The following CACNA1C variants were observed in gnomAD, a reference collection of about 807,000 sequenced individuals.
CACNA1C encodes voltage-dependent L-type calcium channel subunit alpha-1C.
A neutral mutation model predicts 229.0 loss-of-function variants in CACNA1C; 30 were observed. The observed-to-expected ratio is 0.13, with a 90% CI of 0.10 to 0.18. The LOEUF is 0.18. CACNA1C is among the 10% of genes least tolerant of loss of function. The pLI is 1.00. For synonymous variants in CACNA1C, 1,114 were observed against 1,132.5 expected (o/e 0.98, Z 0.33); for missense variants, 1,658 against 2,845.0 (o/e 0.58, Z 9.49).
chr12:1,981,921 T>A (rs112898313), intron 1 of CACNA1C, among the ~76,000 whole-genome samples: 2 of 152,088 alleles, frequency 1.3e-5, no homozygotes, highest in South Asian at 4.1e-4. Flanking sequence ...GGAAAGTGTA[T>A]ATGTAGTTGT....
In CACNA1C at chr12:2,097,431, C is replaced by T. The variant is rs201855383; in HGVS notation, c.50-17793C>T. Among the ~76,000 whole-genome samples, 3 of 152,290 alleles carry T rather than the reference C, an allele frequency of 2.0e-5. No homozygotes were observed. In the East Asian group the frequency reaches 5.8e-4, roughly 29 times the overall value. On this transcript the variant is annotated intron_variant, in intron 1 of 46. Coordinates refer to ENST00000399655, the MANE Select transcript of CACNA1C (RefSeq NM_000719.7). ...AAAGTGCTGGGATTACAGATGTGAG[C>T]CACCGCGCCTGGCCACATTTAATTT...
chr12:2,481,112 A>G (rs2099674175), intron 5 of CACNA1C, among the ~76,000 whole-genome samples: 2 of 152,226 alleles, frequency 1.3e-5, no homozygotes, highest in Admixed American at 1.3e-4. Flanking sequence ...AGGCATTTTC[A>G]TACTCTTTTG....
chr12:2,435,614 C>T (rs1005571055), intron 3 of CACNA1C, among the ~76,000 whole-genome samples: 2 of 152,184 alleles, frequency 1.3e-5, no homozygotes, highest in African/African-American at 4.8e-5. Context: ...TGCTGGGAGA[C>T]AGGCAGCCTG....
intron 3 of CACNA1C, among the ~76,000 whole-genome samples, chr12:2,178,827 C>T (rs1215191529): frequency 3.3e-5 from 5 of 152,044 alleles, no homozygotes; most frequent in South Asian, 2.1e-4. Context: ...TTTGGGAGGC[C>T]GAGGCGGGCA....
chr12:2,160,068 C>A (rs556867704), intron 3 of CACNA1C, among the ~76,000 whole-genome samples: 4 of 152,150 alleles, frequency 2.6e-5, no homozygotes, highest in Admixed American at 6.5e-5. Flanking sequence ...CTGCTGGGAT[C>A]CTATTTAATT....
intron 3 of CACNA1C, among the ~76,000 whole-genome samples, chr12:2,280,224 G>A (rs909137474): frequency 6.7e-5 from 8 of 119,934 alleles, no homozygotes; most frequent in South Asian, 3.1e-4. Flanking sequence ...GCTGTGCTTC[G>A]GTTTAACCTC....
intron 3 of CACNA1C, among the ~76,000 whole-genome samples, chr12:2,177,883 C>T (rs562389941): frequency 3.3e-5 from 5 of 152,018 alleles, no homozygotes; most frequent in East Asian, 3.9e-4. Context: ...GTGATCCATC[C>T]GCCTCTGCCT....
intron 3 of CACNA1C, among the ~76,000 whole-genome samples, chr12:2,380,366 T>C (rs1462742573): frequency 1.3e-5 from 2 of 152,192 alleles, no homozygotes; most frequent in Admixed American, 6.5e-5. Context: ...ATCTTGCAAT[T>C]GAGGTGACTA....
At chr12:2,024,676 G>A (rs1006238527) in intron 1 of CACNA1C, among the ~76,000 whole-genome samples, 1 of 152,230 alleles carries the variant, frequency 6.6e-6, no homozygotes, top group Non-Finnish European at 1.5e-5. Flanking sequence ...AGTGGATACT[G>A]GCAGACAAGT....
intron 3 of CACNA1C, among the ~76,000 whole-genome samples, chr12:2,150,002 C>A (rs752876750): frequency 6.6e-6 from 1 of 152,112 alleles, no homozygotes; most frequent in African/African-American, 2.4e-5. Context: ...GGTGTCCAGG[C>A]CCAGAGGCAC....
At chr12:2,162,056 C>T (rs1280463251) in intron 3 of CACNA1C, among the ~76,000 whole-genome samples, 1 of 152,154 alleles carries the variant, frequency 6.6e-6, no homozygotes, top group Non-Finnish European at 1.5e-5. Flanking sequence ...TTAGTTTTCT[C>T]ATCTGTAGGA....
At chr12:1,995,198 T>C (rs545900508) in intron 1 of CACNA1C, among the ~76,000 whole-genome samples, 2 of 151,742 alleles carry the variant, frequency 1.3e-5, no homozygotes, top group Admixed American at 1.3e-4. Context: ...TTTGTATGAT[T>C]TGTTCCTCTT....
rs781607150 is a variant in CACNA1C at position 2,108,069 on chromosome 12, C to T, written c.50-7155C>T. Among the ~76,000 whole-genome samples, 5 of 152,152 alleles carry T rather than the reference C, an allele frequency of 3.3e-5. No homozygotes were observed. The highest frequency in any genetic ancestry group is 6.5e-5 in the Admixed American group (1 of 15,280). Reference sequence around the variant, plus strand: ...TGCGTATGACTGGTAGCAAGGGCTCCGTAATCCAGCCTAGGATTATAGAGC... The same window carrying T: ...TGCGTATGACTGGTAGCAAGGGCTCTGTAATCCAGCCTAGGATTATAGAGC... On this transcript the variant is annotated intron_variant, in intron 1 of 46. Coordinates refer to ENST00000399655, the MANE Select transcript of CACNA1C (RefSeq NM_000719.7). The surrounding 1 kb of genome is among the most constrained non-coding windows in gnomAD (Gnocchi z 5.3).
chr12:2,535,704 T>TAAAAAAAAAAAAAAAAAAAAAAAAA (rs758857733), intron 9 of CACNA1C, among the ~76,000 whole-genome samples: 6 of 36,560 alleles, frequency 1.6e-4, no homozygotes, highest in South Asian at 1.5e-3. Flanking sequence ...AGACCCTGTC[T>TAAAAAAAAAAAAAAAAAAAAAAAAA]AAAAAAAAAA....
In CACNA1C at chr12:2,053,860, T is replaced by C. The variant is rs992642049; in HGVS notation, c.49+249T>C. On this transcript the variant is annotated intron_variant, in intron 1 of 46. Coordinates refer to ENST00000399655, the MANE Select transcript of CACNA1C (RefSeq NM_000719.7). The surrounding 1 kb of genome is among the most constrained non-coding windows in gnomAD (Gnocchi z 5.8). ...GGCCCCAGCTTCTCCAGAGCATGTG[T>C]TTCCTGTGAAATTCCAGGCGAGGGG... Among the ~76,000 whole-genome samples, 1 of 150,404 alleles carries C rather than the reference T, an allele frequency of 6.6e-6. No individual in the cohort carries two copies. The highest frequency in any genetic ancestry group is 2.4e-5 in the African/African-American group (1 of 41,174).
rs1214585745 is a variant in CACNA1C at position 2,067,827 on chromosome 12, T to TA, written c.49+14217dup. ...TCAGCGCACTCACCTGGAGAATACT[T>TA]ACCTTCACACTGTTCCCACCCCTGT... On this transcript the variant is annotated intron_variant, in intron 1 of 46. Coordinates refer to ENST00000399655, the MANE Select transcript of CACNA1C (RefSeq NM_000719.7). This position sits in a 1 kb window ranked among gnomAD's most constrained non-coding sequence, Gnocchi z 5.3. Among the ~76,000 whole-genome samples the TA allele has an allele frequency of 6.6e-6, 1 of 152,154 alleles. No homozygotes were observed. Among genetic ancestry groups the TA allele is most frequent in the Non-Finnish European group, 1.5e-5 (1 of 68,030 alleles).
intron 3 of CACNA1C, among the ~76,000 whole-genome samples, chr12:2,409,374 G>A (rs1567516457): frequency 6.6e-6 from 1 of 152,156 alleles, no homozygotes; most frequent in Non-Finnish European, 1.5e-5. Flanking sequence ...CCCATCCTCT[G>A]GGAAGTATCT....
At chr12:2,283,356 T>G (rs1197905286) in intron 3 of CACNA1C, among the ~76,000 whole-genome samples, 1 of 152,148 alleles carries the variant, frequency 6.6e-6, no homozygotes, top group Non-Finnish European at 1.5e-5. Context: ...CCAATATCAG[T>G]CACAGAATTC....
chr12:2,082,404 A>G (rs770473578), intron 1 of CACNA1C, among the ~76,000 whole-genome samples: 27 of 152,140 alleles, frequency 1.8e-4, no homozygotes, highest in South Asian at 1.2e-3. Flanking sequence ...CAGGTGTCAT[A>G]CAGCCCGGCA....
Sources: allele counts gnomAD v4.1 joint callset (sites outside exome capture counted in the v4.1 genomes callset), GRCh38; gene constraint gnomAD v4.1.1; non-coding constraint Gnocchi (gnomAD v3.1); transcripts MANE v1.5; gene names NCBI Gene and HGNC (gene_info 2026-07-23, HGNC 2026-07-21).